Variants in EYS observed in about 807,000 individuals in gnomAD.
The protein encoded by EYS is EGF-like photoreceptor maintenance factor.
EYS carries 250 observed loss-of-function variants against 282.1 expected under a neutral mutation model. That is an observed-to-expected ratio of 0.89 (90% CI 0.80 to 0.98). The LOEUF is 0.98. Ranked by LOEUF, EYS falls within the 50% of genes least tolerant of loss-of-function variation. The pLI is 0.00. For synonymous variants in EYS, 1,355 were observed against 1,282.9 expected (o/e 1.06, Z -1.20); for missense variants, 4,016 against 3,709.0 (o/e 1.08, Z -2.15).
chr6:64,795,235 CAAA>C (rs112160251), intron 22 of EYS, among the ~76,000 whole-genome samples: 2 of 136,674 alleles, frequency 1.5e-5, no homozygotes. Context: ...AACTCCGTCT[CAAA>C]AAAAAAAAAA....
chr6:65,458,614 A>G (rs1764712844), intron 5 of EYS, among the ~76,000 whole-genome samples: 1 of 152,168 alleles, frequency 6.6e-6, no homozygotes, highest in Admixed American at 6.6e-5. Context: ...TTCTGTTAAT[A>G]GAATTGCTCA....
intron 22 of EYS, among the ~76,000 whole-genome samples, chr6:64,660,745 A>T (rs150970702): frequency 0.011 from 1,604 of 152,350 alleles, 15 homozygotes; most frequent in Non-Finnish European, 0.014. Context: ...AGAGGACAGA[A>T]ACAAATGGAA....
At chr6:64,455,444 ATT>A (rs796698141) in intron 26 of EYS, among the ~76,000 whole-genome samples, 22 of 130,878 alleles carry the variant, frequency 1.7e-4, no homozygotes, top group Non-Finnish European at 2.7e-4. Context: ...TATTATTATT[ATT>A]TTATTTTATT....
At chr6:64,367,503 G>A (rs908275121) in intron 29 of EYS, among the ~76,000 whole-genome samples, 1 of 151,946 alleles carries the variant, frequency 6.6e-6, no homozygotes, top group Non-Finnish European at 1.5e-5. Context: ...TGGAAAGAGA[G>A]GGAGGATGGA....
intron 29 of EYS, among the ~76,000 whole-genome samples, chr6:64,355,651 G>A (rs1285592906): frequency 6.6e-6 from 1 of 151,618 alleles, no homozygotes; most frequent in Non-Finnish European, 1.5e-5. Context: ...TTTCCTGGGA[G>A]ATGCTAACTT....
At chr6:64,767,558 A>G (rs531019958) in intron 22 of EYS, among the ~76,000 whole-genome samples, 69 of 152,204 alleles carry the variant, frequency 4.5e-4, no homozygotes, top group African/African-American at 1.6e-3. Flanking sequence ...TTTCTGGCTT[A>G]TTACACTTAA....
At chr6:63,822,963 T>G (rs1326075223) in intron 36 of EYS, among the ~76,000 whole-genome samples, 1 of 152,192 alleles carries the variant, frequency 6.6e-6, no homozygotes, top group East Asian at 1.9e-4. Flanking sequence ...ATAAAACAAT[T>G]ATGTCTGTTG....
At chr6:65,531,073 G>A (rs867090419) in intron 2 of EYS, among the ~76,000 whole-genome samples, 45 of 152,118 alleles carry the variant, frequency 3.0e-4, no homozygotes, top group Middle Eastern at 3.4e-3. Flanking sequence ...GTTTTTTACG[G>A]CACAATGGAA....
intron 26 of EYS, among the ~76,000 whole-genome samples, chr6:64,448,834 T>C (rs1325279957): frequency 6.6e-6 from 1 of 152,086 alleles, no homozygotes; most frequent in Non-Finnish European, 1.5e-5. Flanking sequence ...AGAAAGGACA[T>C]CCACACCAAA....
At chr6:65,447,996 T>C (rs146561039) in intron 5 of EYS, among the ~76,000 whole-genome samples, 2 of 152,206 alleles carry the variant, frequency 1.3e-5, no homozygotes, top group African/African-American at 2.4e-5. Context: ...GAATGTAAGC[T>C]AGCAGAAATA....
At chr6:64,101,736 G>T (rs958600729) in intron 31 of EYS, among the ~76,000 whole-genome samples, 3 of 151,930 alleles carry the variant, frequency 2.0e-5, no homozygotes, top group Non-Finnish European at 2.9e-5. Flanking sequence ...GATGATTCAA[G>T]CCCATTACGT....
chr6:65,412,074 T>C (rs947024335), intron 5 of EYS, among the ~76,000 whole-genome samples: 1 of 152,042 alleles, frequency 6.6e-6, no homozygotes, highest in African/African-American at 2.4e-5. Flanking sequence ...AGTACCCTTA[T>C]AATAATCAGA....
rs866405682 is a variant in EYS at position 64,766,647 on chromosome 6, A to C, written c.3443+46731T>G. ...ACTCCGTCTCAAAAAAAAAAAAAAA[A>C]AAATATATATATATATATATATATA... is the stretch of plus-strand genomic sequence containing the variant. On this transcript the variant is annotated intron_variant, in intron 22 of 42. Coordinates refer to ENST00000503581, the MANE Select transcript of EYS (RefSeq NM_001142800.2). 5.0e-4 allele frequency among the ~76,000 whole-genome samples: 6 copies of C among 11,954 alleles called. 1 individual carries two copies. The highest frequency in any genetic ancestry group is 5.9e-4 in the African/African-American group (3 of 5,118). 7.8% of individuals were successfully genotyped at this position (11,954 alleles called of 152,430 possible).
intron 35 of EYS, among the ~76,000 whole-genome samples, chr6:63,919,037 C>T (rs183943753): frequency 8.5e-4 from 129 of 152,240 alleles, no homozygotes; most frequent in African/African-American, 3.0e-3. Context: ...CTTTCAGCAG[C>T]GACTTTCTTC....
intron 35 of EYS, among the ~76,000 whole-genome samples, chr6:63,975,253 A>G (rs1269961703): frequency 1.3e-5 from 2 of 152,014 alleles, no homozygotes; most frequent in Non-Finnish European, 2.9e-5. Context: ...ACACAAAATA[A>G]TATGTGGAAA....
intron 24 of EYS, among the ~76,000 whole-genome samples, 190 bp from the exon 25 acceptor site, chr6:64,593,499 A>C (rs536784433): frequency 6.7e-4 from 102 of 152,254 alleles, no homozygotes; most frequent in African/African-American, 2.4e-3. Flanking sequence ...CAATCCTTTC[A>C]ATTTGAGATA....
intron 33 of EYS, among the ~76,000 whole-genome samples, chr6:64,027,522 G>T (rs1198665057): frequency 6.6e-6 from 1 of 152,268 alleles, no homozygotes; most frequent in Non-Finnish European, 1.5e-5. Flanking sequence ...AAGAGGAACA[G>T]GCCCGAAAGG....
At chr6:65,095,390 A>C (rs1774710538) in intron 12 of EYS, among the ~76,000 whole-genome samples, 1 of 151,020 alleles carries the variant, frequency 6.6e-6, no homozygotes, top group Non-Finnish European at 1.5e-5. Flanking sequence ...GAAAGTTGCT[A>C]AGATAATTTA....
chr6:64,860,816 A>G (rs1766213070), intron 19 of EYS, among the ~76,000 whole-genome samples: 1 of 152,152 alleles, frequency 6.6e-6, no homozygotes, highest in Non-Finnish European at 1.5e-5. Context: ...GGTGAAGAAG[A>G]GCTTTATTGA....
Sources: allele counts gnomAD v4.1 joint callset (sites outside exome capture counted in the v4.1 genomes callset), GRCh38; gene constraint gnomAD v4.1.1; transcripts MANE v1.5; gene names NCBI Gene and HGNC (gene_info 2026-07-23, HGNC 2026-07-21).